Variants in VWA8 observed in about 807,000 individuals in gnomAD.
VWA8 encodes von Willebrand factor A domain-containing protein 8.
A neutral mutation model predicts 241.5 loss-of-function variants in VWA8; 221 were observed. The ratio of observed to expected loss-of-function variants is 0.91; its 90% confidence interval spans 0.82 to 1.02. The LOEUF (loss-of-function observed/expected upper bound fraction) is 1.02. Ranked by LOEUF, VWA8 falls within the 50% of genes least tolerant of loss-of-function variation. The pLI is 0.00. For synonymous variants in VWA8, 852 were observed against 827.1 expected, an observed-to-expected ratio of 1.03 and a Z score of -0.52; for missense variants, 2,322 against 2,328.7, an observed-to-expected ratio of 1.00 and a Z score of 0.06.
In VWA8 at chr13:41,685,180, A is replaced by T; in HGVS notation, c.4194T>A (p.Asp1398Glu). 1 of 1,613,554 alleles carries T rather than the reference A, an allele frequency of 6.2e-7. No homozygotes were observed. Among genetic ancestry groups the T allele is most frequent in the South Asian group, 1.1e-5 (1 of 91,054 alleles). The change falls in exon 35 of 45, where the codon GAT (aspartate) becomes GAA (glutamate). Residue 1398 changes from aspartate (D) to glutamate (E), a missense_variant. Physicochemically the swap from Asp to Glu is conservative, Grantham distance 45. Coordinates refer to ENST00000379310, the MANE Select transcript of VWA8 (RefSeq NM_015058.2). ...PSSLHKRSGT[D>E]TSFYRGKKKR... The stretch of plus-strand genomic sequence containing the variant: ...TCTTCTTTCCTCTATAGAATGATGT[A>T]TCAGTGCCACTTCGTTTATGCAAAG...
chr13:41,615,599 T>C (rs1030993594), intron 37 of VWA8, among the ~76,000 whole-genome samples: 1 of 152,246 alleles, frequency 6.6e-6, no homozygotes, highest in Non-Finnish European at 1.5e-5. Flanking sequence ...GCCTTAGTGA[T>C]AGATTTATGT....
At chr13:41,829,565 A>G (rs927659741) in intron 14 of VWA8, among the ~76,000 whole-genome samples, 10 of 128,360 alleles carry the variant, frequency 7.8e-5, no homozygotes, top group South Asian at 2.6e-4. Context: ...ACACACACAC[A>G]CATGCACACA....
chr13:41,725,050 G>C (rs1032590747), intron 24 of VWA8, among the ~76,000 whole-genome samples: 1 of 152,108 alleles, frequency 6.6e-6, no homozygotes, highest in Non-Finnish European at 1.5e-5. Context: ...AATGTTGTTA[G>C]AGAGTTGGCA....
intron 4 of VWA8, among the ~76,000 whole-genome samples, chr13:41,900,811 G>A (rs1013397323): frequency 1.2e-4 from 18 of 152,146 alleles, no homozygotes; most frequent in African/African-American, 4.3e-4. Flanking sequence ...CGGTGTAAAA[G>A]TACTGAGGAA....
intron 37 of VWA8, among the ~76,000 whole-genome samples, chr13:41,627,074 C>CA (rs934550576): frequency 4.6e-5 from 7 of 150,744 alleles, no homozygotes; most frequent in African/African-American, 7.3e-5. Flanking sequence ...AATCAACAAG[C>CA]AAAAAAAACA....
At chr13:41,605,566 T>C (rs529857173) in intron 39 of VWA8, among the ~76,000 whole-genome samples, 10 of 152,176 alleles carry the variant, frequency 6.6e-5, no homozygotes, top group Non-Finnish European at 1.0e-4. Flanking sequence ...AGTTACAAGC[T>C]ATGAACAGTG....
At chr13:41,828,752 T>C (rs986795591) in intron 14 of VWA8, among the ~76,000 whole-genome samples, 1 of 152,204 alleles carries the variant, frequency 6.6e-6, no homozygotes, top group Non-Finnish European at 1.5e-5. Flanking sequence ...CTCATAAGAA[T>C]AGGAATATTC....
intron 17 of VWA8, among the ~76,000 whole-genome samples, chr13:41,800,092 C>T (rs1869880240): frequency 1.3e-5 from 2 of 152,166 alleles, no homozygotes; most frequent in Non-Finnish European, 2.9e-5. Flanking sequence ...CAGGGTTCAT[C>T]CACGTTATAA....
chr13:41,697,469 C>G (rs928146306), intron 29 of VWA8, among the ~76,000 whole-genome samples: 1 of 152,156 alleles, frequency 6.6e-6, no homozygotes, highest in Non-Finnish European at 1.5e-5. Context: ...TTTTTGGCAC[C>G]AGGGACCAGT....
chr13:41,873,413 T>G (rs1873736769), intron 9 of VWA8, among the ~76,000 whole-genome samples: 1 of 151,342 alleles, frequency 6.6e-6, no homozygotes, highest in Non-Finnish European at 1.5e-5. Flanking sequence ...TTTGAAAGGA[T>G]CAACAAAATT....
chr13:41,627,750 A>G (rs1329884690), intron 37 of VWA8, among the ~76,000 whole-genome samples: 3 of 152,174 alleles, frequency 2.0e-5, no homozygotes, highest in Non-Finnish European at 2.9e-5. Context: ...CTGGCCATCA[A>G]GAAACTACCC....
intron 2 of VWA8, among the ~76,000 whole-genome samples, chr13:41,922,006 G>T (rs1876562885): frequency 6.6e-6 from 1 of 152,184 alleles, no homozygotes; most frequent in South Asian, 2.1e-4. Context: ...AACAAAGCTG[G>T]AGGCATCACA....
intron 21 of VWA8, among the ~76,000 whole-genome samples, chr13:41,743,405 T>C (rs565479114): frequency 6.6e-6 from 1 of 152,326 alleles, no homozygotes; most frequent in Non-Finnish European, 1.5e-5. Flanking sequence ...CCATTAGCTG[T>C]TGGCTGTAGT....
At chr13:41,718,279 C>A (rs2045359865) in intron 26 of VWA8, among the ~76,000 whole-genome samples, 1 of 151,754 alleles carries the variant, frequency 6.6e-6, no homozygotes, top group African/African-American at 2.4e-5. Context: ...CTTAAGTTTG[C>A]ATATTAAAGA....
Position 41,865,911 on chromosome 13 carries a change from A to C in VWA8, c.1338T>G (p.Ile446Met). Residue 446 changes from isoleucine (I) to methionine (M), a missense_variant, in exon 11 of 45, where the codon ATT becomes ATG. Ile to Met is a conservative substitution (Grantham distance 10, BLOSUM62 1). Transcript: ENST00000379310. ...AGACTGTCATTCTTACCTTTCCTCC[A>C]ATTAAACATATATCTTTAACCATGT... ...QSHMVKDICL[I>M]GGKGCGKTVI... 1 of 1,614,234 alleles carries C rather than the reference A, an allele frequency of 6.2e-7. No homozygotes were observed. Among genetic ancestry groups the C allele is most frequent in the South Asian group, 1.1e-5 (1 of 91,086 alleles).
At chr13:41,613,204 A>G (rs2044600847) in intron 38 of VWA8, among the ~76,000 whole-genome samples, 1 of 152,198 alleles carries the variant, frequency 6.6e-6, no homozygotes, top group Non-Finnish European at 1.5e-5. Context: ...TTTCCTTATG[A>G]AAGTCCAGGT....
Position 41,685,081 on chromosome 13 carries a change from T to C in VWA8, c.4293A>G (p.Pro1431=), listed in dbSNP as rs1015920784. The C allele has an allele frequency of 6.2e-7, 1 of 1,613,514 alleles. No homozygotes were observed. The highest frequency in any genetic ancestry group is 2.2e-5 in the East Asian group (1 of 44,860). The change falls in exon 35 of 45, where the codon CCA becomes CCG. Residue 1431 remains proline, a synonymous_variant. Transcript: ENST00000379310. ...AGATATCTTTTAGAGGGACTTCTCC[T>C]GGGGGTAAAATCCTCACTACCTGAT... is the stretch of plus-strand genomic sequence containing the variant. ...DTNQVVRILP[P]GEVPLKDIYP...
chr13:41,788,602 T>C (rs1593773717), intron 17 of VWA8, among the ~76,000 whole-genome samples: 1 of 152,308 alleles, frequency 6.6e-6, no homozygotes, highest in South Asian at 2.1e-4. Context: ...TGAACTTTCG[T>C]CATAGTTCTT....
intron 2 of VWA8, among the ~76,000 whole-genome samples, chr13:41,913,714 T>A (rs896507327): frequency 2.0e-5 from 3 of 152,182 alleles, no homozygotes; most frequent in Non-Finnish European, 1.5e-5. Context: ...AATTGTTTGG[T>A]TTATCATGTC....
Sources: gnomAD v4.1 joint callset for allele counts (sites outside exome capture counted in the v4.1 genomes callset) on GRCh38, gnomAD v4.1.1 for gene constraint, MANE v1.5 for transcripts, NCBI Gene and HGNC (gene_info 2026-07-23, HGNC 2026-07-21) for gene names.